Variants in RAP1B observed in about 807,000 individuals in gnomAD.
The protein encoded by RAP1B is RAP1B, member of RAS oncogene family, also known as ras-related protein Rap-1b.
RAP1B carries 1 observed loss-of-function variant against 27.5 expected under a neutral mutation model. The ratio of observed to expected loss-of-function variants is 0.04; its 90% CI spans 0.01 to 0.17. The LOEUF is 0.17. Ranked by LOEUF, RAP1B falls within the 10% of genes least tolerant of loss-of-function variation. The probability of loss-of-function intolerance (pLI) is 1.00; values close to 1 mark genes in which losing one functional copy is unlikely to be tolerated. For missense variants in RAP1B, 84 were observed against 214.8 expected, an observed-to-expected ratio of 0.39 and a Z score of 3.81; for synonymous variants, 75 against 73.1, an observed-to-expected ratio of 1.03 and a Z score of -0.13.
rs1029824373 is a variant in RAP1B, at chr12:68,643,935, C to CT, written c.-26-4756dup. Among the ~76,000 whole-genome samples, 16 of 151,482 alleles carry CT rather than the reference C, an allele frequency of 1.1e-4. No homozygotes were observed. In the East Asian group the frequency reaches 1.4e-3, roughly 13 times the overall value. On this transcript the variant is annotated intron_variant, in intron 1 of 7. Transcript: ENST00000250559. ...CCCCACCTTGTCATGTATTTTTTTT[C>CT]TTTTTTTTATTCCAGGGAATTGAAA...
chr12:68,663,511 GATTA>G lies in RAP1B; in HGVS notation c.*4265_*4268del, dbSNP rs1253626839. 2 of 152,180 alleles carry G rather than the reference GATTA, an allele frequency of 1.3e-5. No individual in the cohort carries two copies. Among genetic ancestry groups the G allele is most frequent in the East Asian group, 3.8e-4 (2 of 5,206 alleles). 9.4% of individuals were successfully genotyped at this position (152,180 alleles called of 1,614,324 possible). A position where few individuals can be genotyped will look rare whatever the true frequency, so the allele number is the denominator to read the frequency against. On this transcript the variant is annotated 3_prime_UTR_variant, in exon 8 of 8. Transcript: ENST00000250559. ...CCTGTTGAAACAAGACTACTAAACA[GATTA>G]ATCAACTAATTCCATAGGCTTGACA...
chr12:68,613,492 A>G (rs1299447958), intron 1 of RAP1B, among the ~76,000 whole-genome samples: 2 of 151,354 alleles, frequency 1.3e-5, no homozygotes, highest in Admixed American at 1.3e-4. Context: ...CTTACCTTCT[A>G]TGACACGCAT....
chr12:68,620,961 A>G (rs1871347441), intron 1 of RAP1B, among the ~76,000 whole-genome samples: 2 of 152,160 alleles, frequency 1.3e-5, no homozygotes, highest in Non-Finnish European at 2.9e-5. Flanking sequence ...GAGTGTTAAG[A>G]AAGATAGTTA....
intron 1 of RAP1B, among the ~76,000 whole-genome samples, chr12:68,612,296 A>G (rs1053730048): frequency 6.6e-6 from 1 of 152,246 alleles, no homozygotes; most frequent in Non-Finnish European, 1.5e-5. Flanking sequence ...TTGCTCAACA[A>G]GACCTTATCT....
chr12:68,623,354 G>A (rs1871518218), intron 1 of RAP1B, among the ~76,000 whole-genome samples: 1 of 152,266 alleles, frequency 6.6e-6, no homozygotes, highest in African/African-American at 2.4e-5. Flanking sequence ...TAGATTAACA[G>A]TGAATTACAG....
intron 1 of RAP1B, among the ~76,000 whole-genome samples, chr12:68,611,903 G>A (rs752007844): frequency 6.6e-6 from 1 of 152,044 alleles, no homozygotes; most frequent in Non-Finnish European, 1.5e-5. Context: ...CGGGCTCTCC[G>A]GATTTTTCTT....
At position 68,662,366 on chromosome 12, in the gene RAP1B, G is replaced by A. The variant is rs1874644952; in HGVS notation, c.*3117G>A. ...TTTCACTTACATTTTTCTAAAAAGT[G>A]TAAAAACCCTGTATTGACTTTCTTG... On this transcript the variant is annotated 3_prime_UTR_variant, in exon 8 of 8. Transcript: ENST00000250559. 1 of 152,110 alleles carries A rather than the reference G, an allele frequency of 6.6e-6. No individual in the cohort carries two copies. The highest frequency in any genetic ancestry group is 2.1e-4 in the South Asian group (1 of 4,822). The allele number at this position is 152,110 out of a possible 1,614,324, so 9.4% of individuals were successfully genotyped here.
intron 1 of RAP1B, among the ~76,000 whole-genome samples, chr12:68,617,366 A>G (rs904532637): frequency 2.0e-5 from 3 of 152,216 alleles, no homozygotes; most frequent in East Asian, 1.9e-4. Flanking sequence ...AAGCTTCTCA[A>G]TACAATAGCA....
chr12:68,616,719 C>T (rs12302897), intron 1 of RAP1B, among the ~76,000 whole-genome samples: 7,998 of 152,094 alleles, frequency 0.053, 689 homozygotes, highest in African/African-American at 0.18. Context: ...CAGGCATGAG[C>T]CACCGCGCCC....
chr12:68,618,663 T>C (rs1239686440), intron 1 of RAP1B, among the ~76,000 whole-genome samples: 2 of 152,218 alleles, frequency 1.3e-5, no homozygotes, highest in East Asian at 1.9e-4. Context: ...ATAAAACTTC[T>C]GGCGCTTTAG....
intron 1 of RAP1B, among the ~76,000 whole-genome samples, chr12:68,629,319 C>G (rs190491072): frequency 2.6e-3 from 395 of 152,286 alleles, no homozygotes; most frequent in Middle Eastern, 0.02. Flanking sequence ...TTCATTGTTG[C>G]TCTGAAGATT....
At chr12:68,632,146 G>GTTTTTTTTTTTTTTTTTTTTTTTTTT (rs1168683591) in intron 1 of RAP1B, among the ~76,000 whole-genome samples, 1 of 107,986 alleles carries the variant, frequency 9.3e-6, no homozygotes, top group African/African-American at 3.7e-5. Flanking sequence ...TTTTTTTTTT[G>GTTTTTTTTTTTTTTTTTTTTTTTTTT]TTTGTTTTTT....
intron 2 of RAP1B, 148 bp downstream of exon 2, chr12:68,648,929 CT>C: frequency 1.4e-6 from 1 of 705,374 alleles, no homozygotes; most frequent in Non-Finnish European, 2.3e-6. Flanking sequence ...TTTTATTCAA[CT>C]TTTAATTATA....
At chr12:68,639,373 T>G (rs1455216607) in intron 1 of RAP1B, among the ~76,000 whole-genome samples, 1 of 152,088 alleles carries the variant, frequency 6.6e-6, no homozygotes, top group African/African-American at 2.4e-5. Flanking sequence ...AATATACGAC[T>G]TTTTAAATAG....
chr12:68,650,601 A>G, intron 3 of RAP1B, 133 bp downstream of exon 3: 1 of 846,078 alleles, frequency 1.2e-6, no homozygotes, highest in Non-Finnish European at 1.6e-6. Flanking sequence ...AAAAGTTTAC[A>G]CTTTCTGGCA....
Position 68,668,773 on chromosome 12 carries a change from T to C in RAP1B, c.*9524T>C, listed in dbSNP as rs1018793769. The C allele has an allele frequency of 2.0e-5, 3 of 152,174 alleles. No homozygotes were observed. Among genetic ancestry groups the C allele is most frequent in the African/African-American group, 7.2e-5 (3 of 41,438 alleles). 9.4% of individuals were successfully genotyped at this position (152,174 alleles called of 1,614,324 possible). ...AAACCAGCAAATGATAGCTTACTTATTCAGTTATTTGGCTTGATACTGCTT... is the reference window on the plus strand; with the variant it reads ...AAACCAGCAAATGATAGCTTACTTACTCAGTTATTTGGCTTGATACTGCTT... On this transcript the variant is annotated 3_prime_UTR_variant, in exon 8 of 8. Coordinates refer to ENST00000250559, the MANE Select transcript of RAP1B (RefSeq NM_001010942.3).
At position 68,663,208 on chromosome 12, in the gene RAP1B, C is replaced by G. The variant is rs1400572721; in HGVS notation, c.*3959C>G. On this transcript the variant is annotated 3_prime_UTR_variant, in exon 8 of 8. Coordinates refer to ENST00000250559, the MANE Select transcript of RAP1B (RefSeq NM_001010942.3). Reference sequence around the variant, plus strand: ...CCTCCTGAATAGCTGGGATTACAAGCATGCACCACCACGCCTGGCTAATTT... The same window carrying G: ...CCTCCTGAATAGCTGGGATTACAAGGATGCACCACCACGCCTGGCTAATTT... 6.6e-6 allele frequency: 1 copy of G among 152,078 alleles called. No individual in the cohort carries two copies. Among genetic ancestry groups the G allele is most frequent in the East Asian group, 1.9e-4 (1 of 5,188 alleles). 9.4% of individuals were successfully genotyped at this position (152,078 alleles called of 1,614,324 possible).
At chr12:68,627,513 G>T in intron 1 of RAP1B, 1 of 246,060 alleles carries the variant, frequency 4.1e-6, no homozygotes, top group Non-Finnish European at 8.0e-6. Flanking sequence ...GGGCTTCTGG[G>T]CCTTCACATT....
chr12:68,621,431 G>GT (rs1871380165), intron 1 of RAP1B: 1 of 152,096 alleles, frequency 6.6e-6, no homozygotes, highest in African/African-American at 2.4e-5. Flanking sequence ...TTATACTTGT[G>GT]TTTTTTTCTT....
Sources: allele counts gnomAD v4.1 joint callset (sites outside exome capture counted in the v4.1 genomes callset), GRCh38; gene constraint gnomAD v4.1.1; transcripts MANE v1.5; gene names NCBI Gene and HGNC (gene_info 2026-07-23, HGNC 2026-07-21).